TBC1D32: variants seen among roughly 807,000 people sequenced by gnomAD.
TBC1D32 encodes the protein TBC1 domain family member 32, also known as protein broad-minded.
Under a neutral mutation model 170.3 loss-of-function variants are expected in TBC1D32, and 151 were observed. That is an observed-to-expected ratio of 0.89 (90% CI 0.78 to 1.01). TBC1D32 has a LOEUF of 1.01. Ranked by LOEUF, TBC1D32 falls within the 50% of genes least tolerant of loss-of-function variation. The pLI, the probability that TBC1D32 is intolerant of heterozygous loss-of-function variation, is 0.00. For missense variants in TBC1D32, 1,464 were observed against 1,457.1 expected (o/e 1.00, Z -0.08); for synonymous variants, 498 against 488.0 (o/e 1.02, Z -0.27).
chr6:121,261,271 G>A (rs1799732493), intron 15 of TBC1D32, among the ~76,000 whole-genome samples: 1 of 152,192 alleles, frequency 6.6e-6, no homozygotes, highest in Non-Finnish European at 1.5e-5. Flanking sequence ...CACACCCTCT[G>A]CCAAGGAGCA....
intron 22 of TBC1D32, among the ~76,000 whole-genome samples, chr6:121,179,345 T>TA (rs912388616): frequency 6.2e-5 from 9 of 144,308 alleles, no homozygotes; most frequent in Admixed American, 2.1e-4. Flanking sequence ...AGGTGGCCTG[T>TA]AAAAAAAAAA....
intron 31 of TBC1D32, among the ~76,000 whole-genome samples, chr6:121,083,288 C>A (rs1162096461): frequency 6.6e-6 from 1 of 151,924 alleles, no homozygotes; most frequent in Non-Finnish European, 1.5e-5. Flanking sequence ...ATAGTATTTG[C>A]TCAAGAAATT....
At chr6:121,317,746 A>C in intron 2 of TBC1D32, 74 bp from the exon 3 acceptor site, 1 of 1,108,556 alleles carries the variant, frequency 9.0e-7, no homozygotes, top group Non-Finnish European at 1.2e-6. Context: ...AAATTATCTA[A>C]TTTTTTTTCT....
chr6:121,178,036 T>C (rs557815076), intron 22 of TBC1D32, among the ~76,000 whole-genome samples: 5 of 151,976 alleles, frequency 3.3e-5, no homozygotes, highest in Non-Finnish European at 7.4e-5. Flanking sequence ...TGGCAGAAAG[T>C]GGAAGGCACA....
At chr6:121,329,905 C>A (rs988048387) in intron 1 of TBC1D32, among the ~76,000 whole-genome samples, 2 of 152,006 alleles carry the variant, frequency 1.3e-5, no homozygotes, top group East Asian at 3.9e-4. Context: ...ACATCTCCTA[C>A]AACTTTTTAG....
At chr6:121,097,635 A>C (rs624687) in intron 30 of TBC1D32, among the ~76,000 whole-genome samples, 54,988 of 151,922 alleles carry the variant, frequency 0.36, 15,671 homozygotes, top group African/African-American at 0.78. Context: ...GACAGTGTGG[A>C]GATTCCTCAA....
In TBC1D32 at chr6:121,256,095, C is replaced by A. The variant is rs758891570; in HGVS notation, c.1924G>T (p.Ala642Ser). 10 of 1,607,954 alleles carry A rather than the reference C, an allele frequency of 6.2e-6. No homozygotes were observed. The highest frequency in any genetic ancestry group is 5.4e-5 in the African/African-American group (4 of 74,464). The change falls in exon 16 of 32, where the codon GCA becomes TCA. Residue 642 changes from alanine (A) to serine (S), a missense_variant. This residue lies in a region of TBC1D32 where 1,363 missense variants were observed against 1,338.1 expected (regional missense o/e 1.02). Transcript: ENST00000398212. ...TTGAAAATACTTACCTTTTTCCATG[C>A]CTTTGCTATAGATTCATGCAAATTA... ...TYNLHESIAKAWKKTSLLSER... is the reference protein window; with the variant it reads ...TYNLHESIAKSWKKTSLLSER...
rs544539693 is a variant in TBC1D32, at chr6:121,285,871, C to T, written c.1373-1961G>A. ...GCAGCCTCTGCTGCTGATACCCAGGCAAACAGGGTCTGGAGTGGACCTCCA... is the reference window on the plus strand; with the variant it reads ...GCAGCCTCTGCTGCTGATACCCAGGTAAACAGGGTCTGGAGTGGACCTCCA... On this transcript the variant is annotated intron_variant, in intron 12 of 31. Coordinates refer to ENST00000398212, the MANE Select transcript of TBC1D32 (RefSeq NM_152730.6). Among the ~76,000 whole-genome samples the T allele has an allele frequency of 2.0e-5, 3 of 152,314 alleles. No individual in the cohort carries two copies. The South Asian group carries it at 6.2e-4, about 32-fold the overall frequency.
chr6:121,309,957 C>T (rs1438044083), intron 4 of TBC1D32, among the ~76,000 whole-genome samples: 1 of 151,998 alleles, frequency 6.6e-6, no homozygotes, highest in African/African-American at 2.4e-5. Context: ...TCACCTGAGC[C>T]TGGGGAGGTA....
intron 22 of TBC1D32, among the ~76,000 whole-genome samples, chr6:121,191,517 G>A (rs529351188): frequency 6.6e-6 from 1 of 152,224 alleles, no homozygotes; most frequent in South Asian, 2.1e-4. Context: ...CGATAAAATT[G>A]TGTAAGAATT....
At chr6:121,126,179 A>G (rs1207100159) in intron 26 of TBC1D32, among the ~76,000 whole-genome samples, 199 bp downstream of exon 26, 3 of 152,192 alleles carry the variant, frequency 2.0e-5, no homozygotes, top group African/African-American at 7.2e-5. Flanking sequence ...AAGAAAGCTC[A>G]AGAAAGAATC....
At chr6:121,128,667 T>C (rs1180792245) in intron 25 of TBC1D32, among the ~76,000 whole-genome samples, 2 of 152,094 alleles carry the variant, frequency 1.3e-5, no homozygotes, top group Non-Finnish European at 2.9e-5. Context: ...GAATACGACA[T>C]GAATAGTCTA....
intron 24 of TBC1D32, among the ~76,000 whole-genome samples, chr6:121,148,680 C>T (rs1229932846): frequency 2.0e-5 from 3 of 152,038 alleles, no homozygotes; most frequent in Non-Finnish European, 4.4e-5. Context: ...GTGGCACTAT[C>T]TCAGCTCACT....
intron 31 of TBC1D32, among the ~76,000 whole-genome samples, chr6:121,090,071 T>C (rs1776652511): frequency 6.6e-6 from 1 of 152,094 alleles, no homozygotes; most frequent in Non-Finnish European, 1.5e-5. Flanking sequence ...TAGCTGGGAC[T>C]ACAGGCGCCC....
intron 21 of TBC1D32, among the ~76,000 whole-genome samples, chr6:121,210,126 A>G (rs1583226506): frequency 6.6e-6 from 1 of 152,214 alleles, no homozygotes; most frequent in African/African-American, 2.4e-5. Flanking sequence ...TTTGGTAGAT[A>G]CCTGACATGA....
intron 21 of TBC1D32, among the ~76,000 whole-genome samples, chr6:121,207,825 G>A (rs1231477092): frequency 6.6e-6 from 1 of 152,164 alleles, no homozygotes; most frequent in Non-Finnish European, 1.5e-5. Flanking sequence ...ATATGTTTGA[G>A]TGCCTACTGT....
chr6:121,251,619 C>T (rs959310669), intron 17 of TBC1D32, among the ~76,000 whole-genome samples: 1 of 152,114 alleles, frequency 6.6e-6, no homozygotes, highest in Non-Finnish European at 1.5e-5. Context: ...AAAACCTAGG[C>T]AATACCATTC....
chr6:121,292,590 A>C (rs1313508187), intron 11 of TBC1D32, among the ~76,000 whole-genome samples: 7 of 152,194 alleles, frequency 4.6e-5, no homozygotes, highest in Non-Finnish European at 8.8e-5. Context: ...ATTAACAAGC[A>C]CGTCTAAGTG....
At chr6:121,276,027 C>T (rs892194355) in intron 15 of TBC1D32, among the ~76,000 whole-genome samples, 1 of 149,010 alleles carries the variant, frequency 6.7e-6, no homozygotes, top group Non-Finnish European at 1.5e-5. Context: ...GACTGAAGCA[C>T]GAGAATCACT....
Sources: gnomAD v4.1 joint callset for allele counts (sites outside exome capture counted in the v4.1 genomes callset) on GRCh38, gnomAD v4.1.1 for gene constraint, gnomAD v4.1.1 regional missense constraint, MANE v1.5 for transcripts, NCBI Gene and HGNC (gene_info 2026-07-23, HGNC 2026-07-21) for gene names.